BMPR1B: variants seen among roughly 807,000 people sequenced by gnomAD.
BMPR1B encodes bone morphogenetic protein receptor type 1B, also known as bone morphogenetic protein receptor type-1B.
Under a neutral mutation model 59.1 loss-of-function variants are expected in BMPR1B, and 12 were observed. The observed-to-expected ratio is 0.20, with a 90% CI of 0.13 to 0.33. The LOEUF is 0.33. BMPR1B is among the 10% of genes least tolerant of loss of function. The probability of loss-of-function intolerance (pLI) is 1.00; values close to 1 mark genes in which losing one functional copy is unlikely to be tolerated. For synonymous variants in BMPR1B, 237 were observed against 207.3 expected (o/e 1.14, Z -1.23); for missense variants, 550 against 610.9 (o/e 0.90, Z 1.05).
chr4:95,023,222 G>A (rs562586524), intron 3 of BMPR1B, among the ~76,000 whole-genome samples: 6 of 152,132 alleles, frequency 3.9e-5, no homozygotes, highest in South Asian at 4.2e-4. Flanking sequence ...CTCAGAGATC[G>A]TTGCCTTCTC....
rs11937462 is a variant in BMPR1B, at chr4:94,917,498, T to G, written c.-113+41598T>G. 6.6e-3 allele frequency among the ~76,000 whole-genome samples: 1,011 copies of G among 152,334 alleles called. 15 individuals carry two copies. The highest frequency in any genetic ancestry group is 0.022 in the African/African-American group (923 of 41,584). Reference sequence around the variant, plus strand: ...GTCAAAGGAGGTTATTTTGGAGCTTTAAGATTTAACGACTGCCCTGCTGGG... The same window carrying G: ...GTCAAAGGAGGTTATTTTGGAGCTTGAAGATTTAACGACTGCCCTGCTGGG... On this transcript the variant is annotated intron_variant, in intron 2 of 12. Coordinates refer to ENST00000515059, the MANE Select transcript of BMPR1B (RefSeq NM_001203.3).
chr4:95,018,795 AG>A (rs1723766678), intron 3 of BMPR1B, among the ~76,000 whole-genome samples: 1 of 152,186 alleles, frequency 6.6e-6, no homozygotes, highest in Non-Finnish European at 1.5e-5. Flanking sequence ...AGTGTGGTTA[AG>A]AAATGGAACC....
chr4:94,920,390 GTTTCTCAACCT>G (rs1206322886), intron 2 of BMPR1B, among the ~76,000 whole-genome samples: 1 of 152,118 alleles, frequency 6.6e-6, no homozygotes, highest in Non-Finnish European at 1.5e-5. Flanking sequence ...CTAGTGCTCA[GTTTCTCAACCT>G]TTTCCAAAAG....
intron 1 of BMPR1B, among the ~76,000 whole-genome samples, chr4:94,817,932 G>A (rs1724068895): frequency 6.6e-6 from 1 of 152,174 alleles, no homozygotes; most frequent in African/African-American, 2.4e-5. Flanking sequence ...CTCTAAGGAG[G>A]TGGTTCTTAA....
intron 1 of BMPR1B, among the ~76,000 whole-genome samples, chr4:94,857,606 A>G (rs1057014995): frequency 6.6e-6 from 1 of 152,220 alleles, no homozygotes; most frequent in Non-Finnish European, 1.5e-5. Flanking sequence ...ATGAACAAGG[A>G]GAATAAATAT....
intron 3 of BMPR1B, among the ~76,000 whole-genome samples, chr4:95,070,276 G>T (rs1315556431): frequency 6.6e-6 from 1 of 152,166 alleles, no homozygotes; most frequent in Non-Finnish European, 1.5e-5. Flanking sequence ...GTCATCAATG[G>T]TGAGAGGAGG....
intron 3 of BMPR1B, among the ~76,000 whole-genome samples, chr4:95,058,768 A>G (rs1345440747): frequency 6.6e-6 from 1 of 152,236 alleles, no homozygotes; most frequent in African/African-American, 2.4e-5. Flanking sequence ...CTCTAAAAGA[A>G]AACTACATTT....
At chr4:95,084,774 A>G (rs906769507) in intron 3 of BMPR1B, among the ~76,000 whole-genome samples, 1 of 152,166 alleles carries the variant, frequency 6.6e-6, no homozygotes, top group Non-Finnish European at 1.5e-5. Flanking sequence ...TCCATAATCT[A>G]ATTCATTCAC....
At chr4:94,807,296 A>G (rs1004428878) in intron 1 of BMPR1B, among the ~76,000 whole-genome samples, 2 of 152,058 alleles carry the variant, frequency 1.3e-5, no homozygotes, top group Non-Finnish European at 2.9e-5. Context: ...GGATTTCACC[A>G]TGTTGTCCAG....
At chr4:94,973,949 T>C (rs577481908) in intron 2 of BMPR1B, among the ~76,000 whole-genome samples, 1 of 152,336 alleles carries the variant, frequency 6.6e-6, no homozygotes, top group African/African-American at 2.4e-5. Flanking sequence ...GTGGTTACAA[T>C]GTCGACATTT....
At chr4:95,094,126 C>G (rs143602507) in intron 3 of BMPR1B, among the ~76,000 whole-genome samples, 89 of 152,124 alleles carry the variant, frequency 5.9e-4, no homozygotes, top group South Asian at 1.7e-3. Flanking sequence ...ATTTGTCTTA[C>G]AAGCAAGATT....
At chr4:95,067,968 A>T (rs989321537) in intron 3 of BMPR1B, among the ~76,000 whole-genome samples, 2 of 152,212 alleles carry the variant, frequency 1.3e-5, no homozygotes, top group African/African-American at 4.8e-5. Context: ...GAAAGGAAGT[A>T]AACAAGTTCC....
intron 2 of BMPR1B, among the ~76,000 whole-genome samples, chr4:94,876,685 T>C (rs577624008): frequency 6.6e-6 from 1 of 152,006 alleles, no homozygotes; most frequent in South Asian, 2.1e-4. Flanking sequence ...TTCAGTGCTA[T>C]ACTGAAAACC....
intron 2 of BMPR1B, among the ~76,000 whole-genome samples, chr4:94,994,105 A>G (rs1485694762): frequency 1.3e-5 from 2 of 152,158 alleles, no homozygotes; most frequent in Non-Finnish European, 2.9e-5. Context: ...TAATGTGTAA[A>G]TGGTTACATA....
At chr4:94,998,141 G>T (rs1722187369) in intron 3 of BMPR1B, among the ~76,000 whole-genome samples, 1 of 152,128 alleles carries the variant, frequency 6.6e-6, no homozygotes, top group South Asian at 2.1e-4. Flanking sequence ...TGCCTTGTCA[G>T]TATTATTTTT....
intron 2 of BMPR1B, among the ~76,000 whole-genome samples, chr4:94,921,428 G>C (rs1345395833): frequency 2.0e-5 from 3 of 152,104 alleles, no homozygotes; most frequent in Non-Finnish European, 4.4e-5. Flanking sequence ...TACAGGAAAC[G>C]TAGCTCCAGC....
chr4:94,919,359 A>T (rs72889510), intron 2 of BMPR1B, among the ~76,000 whole-genome samples: 3,462 of 152,304 alleles, frequency 0.023, 118 homozygotes, highest in African/African-American at 0.079. Flanking sequence ...TTATGGTAAG[A>T]AGTACATTTA....
chr4:94,882,710 T>C (rs11944292), intron 2 of BMPR1B, among the ~76,000 whole-genome samples: 16,945 of 152,236 alleles, frequency 0.11, 994 homozygotes, highest in Non-Finnish European at 0.14. Context: ...ATACAGTGTT[T>C]GTGATTTTCA....
chr4:94,891,249 A>G (rs1397546367), intron 2 of BMPR1B, among the ~76,000 whole-genome samples: 1 of 152,130 alleles, frequency 6.6e-6, no homozygotes, highest in Non-Finnish European at 1.5e-5. Context: ...TGAAATGTAC[A>G]GAGATAAAGC....
Sources: gnomAD v4.1 joint callset for allele counts (sites outside exome capture counted in the v4.1 genomes callset) on GRCh38, gnomAD v4.1.1 for gene constraint, MANE v1.5 for transcripts, NCBI Gene and HGNC (gene_info 2026-07-23, HGNC 2026-07-21) for gene names.